Variants in LDB2 observed in about 807,000 individuals in gnomAD.
LDB2 encodes LIM domain binding 2, also known as LIM domain-binding protein 2.
A neutral mutation model predicts 44.3 loss-of-function variants in LDB2; 12 were observed. That is an observed-to-expected ratio of 0.27 (90% CI 0.17 to 0.44). The LOEUF (loss-of-function observed/expected upper bound fraction) is 0.44. Among genes scored for constraint, LDB2 ranks in the 20% least tolerant of loss-of-function variants. The pLI, the probability that LDB2 is intolerant of heterozygous loss-of-function variation, is 1.00. For missense variants in LDB2, 344 were observed against 473.5 expected, an observed-to-expected ratio of 0.73 and a Z score of 2.54; for synonymous variants, 164 against 174.8, an observed-to-expected ratio of 0.94 and a Z score of 0.49.
chr4:16,544,081 A>T (rs932083854), intron 5 of LDB2, among the ~76,000 whole-genome samples: 1 of 152,184 alleles, frequency 6.6e-6, no homozygotes, highest in East Asian at 1.9e-4. Context: ...AAACAAACAC[A>T]TGTAGAATGT....
At chr4:16,858,964 A>G (rs941635019) in intron 1 of LDB2, among the ~76,000 whole-genome samples, 2 of 152,244 alleles carry the variant, frequency 1.3e-5, no homozygotes, top group African/African-American at 2.4e-5. Flanking sequence ...TAAAATAAAG[A>G]GTCTTCAGAT....
At chr4:16,680,953 A>C (rs1747675648) in intron 2 of LDB2, among the ~76,000 whole-genome samples, 1 of 152,222 alleles carries the variant, frequency 6.6e-6, no homozygotes, top group Admixed American at 6.5e-5. Context: ...AAAAGTCACA[A>C]GAAAATAGGA....
intron 3 of LDB2, 102 bp downstream of exon 3, chr4:16,595,601 G>C (rs1411485243): frequency 9.8e-7 from 1 of 1,021,654 alleles, no homozygotes; most frequent in Non-Finnish European, 1.5e-6. Flanking sequence ...GTGTCTGGGA[G>C]ATGAGCAATC....
At chr4:16,550,212 G>C (rs771054472) in intron 5 of LDB2, among the ~76,000 whole-genome samples, 2 of 152,154 alleles carry the variant, frequency 1.3e-5, no homozygotes, top group Admixed American at 1.3e-4. Flanking sequence ...AATTCTGTTG[G>C]CATATCACTT....
chr4:16,818,619 T>C (rs2109940395), intron 1 of LDB2, among the ~76,000 whole-genome samples: 1 of 152,346 alleles, frequency 6.6e-6, no homozygotes, highest in Non-Finnish European at 1.5e-5. Context: ...AATGACCACC[T>C]ACCAGGGCTA....
chr4:16,798,034 C>G (rs1401875462), intron 1 of LDB2, among the ~76,000 whole-genome samples: 3 of 99,172 alleles, frequency 3.0e-5, no homozygotes, highest in African/African-American at 4.5e-5. Flanking sequence ...GACTCTGTCT[C>G]GAAAAAAAAA....
At chr4:16,815,496 T>A (rs1057093875) in intron 1 of LDB2, among the ~76,000 whole-genome samples, 1 of 152,228 alleles carries the variant, frequency 6.6e-6, no homozygotes, top group Non-Finnish European at 1.5e-5. Flanking sequence ...TTTATTGAAA[T>A]CTAGTACCCT....
chr4:16,543,470 T>A (rs1437033318), intron 5 of LDB2, among the ~76,000 whole-genome samples: 3 of 152,346 alleles, frequency 2.0e-5, no homozygotes, highest in Non-Finnish European at 4.4e-5. Context: ...CCATTCTAAC[T>A]GATGTGAGAT....
chr4:16,621,883 T>C (rs1728983720), intron 2 of LDB2, among the ~76,000 whole-genome samples: 1 of 152,192 alleles, frequency 6.6e-6, no homozygotes. Flanking sequence ...AAGAAAGAGG[T>C]TGTCAAAAAT....
At chr4:16,575,259 C>T (rs1224445010) in intron 5 of LDB2, among the ~76,000 whole-genome samples, 1 of 152,090 alleles carries the variant, frequency 6.6e-6, no homozygotes, top group Non-Finnish European at 1.5e-5. Flanking sequence ...AGAAATTATG[C>T]ATCTGAATGG....
chr4:16,540,078 A>T (rs903728544), intron 5 of LDB2, among the ~76,000 whole-genome samples: 4 of 152,076 alleles, frequency 2.6e-5, no homozygotes, highest in African/African-American at 9.7e-5. Flanking sequence ...GTGGTGGGGG[A>T]GATGGTGCCA....
intron 1 of LDB2, among the ~76,000 whole-genome samples, chr4:16,853,043 C>T (rs551986285): frequency 1.3e-5 from 2 of 152,252 alleles, no homozygotes; most frequent in South Asian, 2.1e-4. Flanking sequence ...AATACCATCA[C>T]GTTTTCAAAT....
chr4:16,744,742 C>T (rs1764047017), intron 2 of LDB2, among the ~76,000 whole-genome samples: 1 of 152,176 alleles, frequency 6.6e-6, no homozygotes, highest in Non-Finnish European at 1.5e-5. Flanking sequence ...TCCCAAAGGG[C>T]TGGGATTACA....
Position 16,812,329 on chromosome 4 carries a change from T to C in LDB2, c.133-53069A>G, listed in dbSNP as rs887615416. Among the ~76,000 whole-genome samples, 49 of 152,124 alleles carry C rather than the reference T, an allele frequency of 3.2e-4. 1 individual carries two copies. The highest frequency in any genetic ancestry group is 3.1e-3 in the Admixed American group (48 of 15,266). On this transcript the variant is annotated intron_variant, in intron 1 of 7. Coordinates refer to ENST00000304523, the MANE Select transcript of LDB2 (RefSeq NM_001290.5). The stretch of plus-strand genomic sequence containing the variant: ...TAGATTACTTTCTCCCTCCTTTCCT[T>C]TTTCTCTTAACACAGGAAGGGCTCA...
chr4:16,576,863 A>C (rs975119081), intron 5 of LDB2, among the ~76,000 whole-genome samples: 1 of 152,240 alleles, frequency 6.6e-6, no homozygotes, highest in Non-Finnish European at 1.5e-5. Context: ...ACTCAACAGC[A>C]CATTAAAAAG....
At chr4:16,619,780 G>T (rs1262089013) in intron 2 of LDB2, among the ~76,000 whole-genome samples, 1 of 145,746 alleles carries the variant, frequency 6.9e-6, no homozygotes, top group Non-Finnish European at 1.5e-5. Context: ...TTTGCAAGTT[G>T]CTAGTGGATA....
At chr4:16,883,271 C>T (rs1720695773) in intron 1 of LDB2, among the ~76,000 whole-genome samples, 1 of 152,210 alleles carries the variant, frequency 6.6e-6, no homozygotes, top group Non-Finnish European at 1.5e-5. Flanking sequence ...ATCAGCAGTC[C>T]ATCTAACTGG....
chr4:16,830,795 G>A (rs1783926084), intron 1 of LDB2, among the ~76,000 whole-genome samples: 1 of 152,172 alleles, frequency 6.6e-6, no homozygotes, highest in African/African-American at 2.4e-5. Context: ...GGAGGTCCAA[G>A]GAGTGTCATT....
At chr4:16,812,526 C>T (rs1780067481) in intron 1 of LDB2, among the ~76,000 whole-genome samples, 1 of 148,994 alleles carries the variant, frequency 6.7e-6, no homozygotes, top group African/African-American at 2.5e-5. Context: ...ACAGCTCTGA[C>T]CCTCAGGGAA....
Sources: gnomAD v4.1 joint callset for allele counts (sites outside exome capture counted in the v4.1 genomes callset) on GRCh38, gnomAD v4.1.1 for gene constraint, MANE v1.5 for transcripts, NCBI Gene and HGNC (gene_info 2026-07-23, HGNC 2026-07-21) for gene names.